The following CDK18 variants were observed in gnomAD, a reference collection of about 807,000 sequenced individuals.
CDK18 encodes cyclin-dependent kinase 18.
In CDK18, 52 loss-of-function variants were observed where a neutral mutation model predicts 62.0. The ratio of observed to expected loss-of-function variants is 0.84; its 90% CI spans 0.67 to 1.06. The LOEUF is 1.06. Ranked by LOEUF, CDK18 falls within the 50% of genes least tolerant of loss-of-function variation. The probability of loss-of-function intolerance (pLI) is 0.00; values close to 1 mark genes in which losing one functional copy is unlikely to be tolerated. For synonymous variants in CDK18, 237 were observed against 247.0 expected (o/e 0.96, Z 0.38); for missense variants, 604 against 619.9 (o/e 0.97, Z 0.27).
chr1:205,512,391 C>A (rs1054824070), intron 1 of CDK18, among the ~76,000 whole-genome samples: 3 of 152,188 alleles, frequency 2.0e-5, no homozygotes, highest in Non-Finnish European at 4.4e-5. Flanking sequence ...GGCCCAGGGC[C>A]CAGGACAGTG....
At chr1:205,529,622 C>T (rs1247838217) in intron 13 of CDK18, 59 bp downstream of exon 13, 7 of 1,612,374 alleles carry the variant, frequency 4.3e-6, no homozygotes, top group African/African-American at 1.3e-5. Flanking sequence ...GTCCCTGTGC[C>T]CCATGCCGGG....
At chr1:205,509,777 C>G (rs1475950337) in intron 1 of CDK18, among the ~76,000 whole-genome samples, 1 of 152,048 alleles carries the variant, frequency 6.6e-6, no homozygotes, top group African/African-American at 2.4e-5. Context: ...GGGAAGAGAA[C>G]TCTATTCTTA....
chr1:205,527,652 G>A lies in CDK18; in HGVS notation c.730-142G>A, dbSNP rs1668507130. On this transcript the variant is annotated intron_variant, in intron 8 of 15. Coordinates refer to ENST00000429964, the MANE Select transcript of CDK18 (RefSeq NM_212502.3). The surrounding 1 kb of genome is among the most constrained non-coding windows in gnomAD (Gnocchi z 4.1). ...GATTCCCTGGTGTGGGTGGGGTCCAGGATGGGGGCTGCAGGGTGTGCAGGA... is the reference window on the plus strand; with the variant it reads ...GATTCCCTGGTGTGGGTGGGGTCCAAGATGGGGGCTGCAGGGTGTGCAGGA... 9 of 788,136 alleles carry A rather than the reference G, an allele frequency of 1.1e-5. No individual in the cohort carries two copies. The South Asian group carries it at 1.5e-4, about 13-fold the overall frequency. The allele number at this position is 788,136 out of a possible 1,614,324, so 48.8% of individuals were successfully genotyped here. A position where few individuals can be genotyped will look rare whatever the true frequency, so the allele number is the denominator to read the frequency against.
intron 12 of CDK18, 44 bp from the exon 13 acceptor site, chr1:205,529,477 A>G: frequency 1.2e-6 from 2 of 1,609,874 alleles, no homozygotes; most frequent in African/African-American, 1.3e-5. Flanking sequence ...TGGCTCTCCC[A>G]TCCCCAATCA....
chr1:205,527,721 C>A lies in CDK18; in HGVS notation c.730-73C>A. 6.8e-7 allele frequency: 1 copy of A among 1,468,188 alleles called. No individual in the cohort carries two copies. The highest frequency in any genetic ancestry group is 9.5e-7 in the Non-Finnish European group (1 of 1,056,882). The allele number at this position is 1,468,188 out of a possible 1,614,324, so 90.9% of individuals were successfully genotyped here. A position where few individuals can be genotyped will look rare whatever the true frequency, so the allele number is the denominator to read the frequency against. On this transcript the variant is annotated intron_variant, in intron 8 of 15. Transcript: ENST00000429964. The surrounding 1 kb of genome is among the most constrained non-coding windows in gnomAD (Gnocchi z 4.1). ...GACCTCACTGCCAAGCCCCTGCCCC[C>A]ATCCTGGTCCCAGCCTTGGAGCAGA...
chr1:205,506,873 A>T (rs1538369), intron 1 of CDK18, among the ~76,000 whole-genome samples: 9,493 of 152,312 alleles, frequency 0.062, 409 homozygotes, highest in Non-Finnish European at 0.09. Context: ...TCTGAGGAGC[A>T]AATAGGTTCT....
intron 5 of CDK18, among the ~76,000 whole-genome samples, chr1:205,525,423 C>T (rs555266035): frequency 6.6e-6 from 1 of 152,264 alleles, no homozygotes; most frequent in East Asian, 1.9e-4. Flanking sequence ...TAGCCATGGC[C>T]CTGGGCAGAA....
At chr1:205,518,434 A>G (rs891412272) in intron 1 of CDK18, among the ~76,000 whole-genome samples, 2 of 152,210 alleles carry the variant, frequency 1.3e-5, no homozygotes, top group Non-Finnish European at 2.9e-5. Context: ...TTGCGATTCC[A>G]TAGCCTGCTA....
chr1:205,512,025 G>A (rs1575046749), intron 1 of CDK18, among the ~76,000 whole-genome samples: 1 of 152,330 alleles, frequency 6.6e-6, no homozygotes, highest in East Asian at 1.9e-4. Context: ...CTGCACTCCA[G>A]CCTGGGTGAC....
At position 205,529,366 on chromosome 1, in the gene CDK18, C is replaced by T; in HGVS notation, c.1115C>T (p.Ser372Phe). ...ACGTGGCCCGGCGTGACCGCCTTCT[C>T]TGAGTTCCGCACCTACAGCTTCCCC... ...EETWPGVTAF[S>F]EFRTYSFPCY... The change falls in exon 12 of 16, where the codon TCT becomes TTT. Residue 372 changes from serine to phenylalanine, a missense_variant. Physicochemically the swap from Ser to Phe is radical, Grantham distance 155 (BLOSUM62 -2). Transcript: ENST00000429964. 2.5e-6 allele frequency: 4 copies of T among 1,614,070 alleles called. No individual in the cohort carries two copies. The highest frequency in any genetic ancestry group is 1.6e-4 in the Middle Eastern group (1 of 6,062).
chr1:205,505,977 T>TC (rs1667287449), intron 1 of CDK18, among the ~76,000 whole-genome samples: 1 of 152,102 alleles, frequency 6.6e-6, no homozygotes, highest in East Asian at 1.9e-4. Context: ...GGCTTGCCCC[T>TC]CCTGTGTCAG....
chr1:205,528,119 C>G lies in CDK18; in HGVS notation c.925C>G (p.Pro309Ala). 6.2e-7 allele frequency: 1 copy of G among 1,614,060 alleles called. No individual in the cohort carries two copies. Among genetic ancestry groups the G allele is most frequent in the Non-Finnish European group, 8.5e-7 (1 of 1,180,004 alleles). Residue 309 changes from proline to alanine, a missense_variant, in exon 10 of 16, where the codon CCC (proline) becomes GCC (alanine). Physicochemically the swap from Pro to Ala is conservative, Grantham distance 27. Coordinates refer to ENST00000429964, the MANE Select transcript of CDK18 (RefSeq NM_212502.3). This position sits in a 1 kb window ranked among gnomAD's most constrained non-coding sequence, Gnocchi z 4.2. ...GGTGGTGACCCTGTGGTACAGGCCCCCCGATGTGCTGCTGGGATCCACAGA... is the reference window on the plus strand; with the variant it reads ...GGTGGTGACCCTGTGGTACAGGCCCGCCGATGTGCTGCTGGGATCCACAGA... ...NEVVTLWYRPPDVLLGSTEYS... is the reference protein window; with the variant it reads ...NEVVTLWYRPADVLLGSTEYS...
chr1:205,511,448 G>T (rs945248074), intron 1 of CDK18, among the ~76,000 whole-genome samples: 3 of 152,196 alleles, frequency 2.0e-5, no homozygotes, highest in Non-Finnish European at 4.4e-5. Context: ...TCCAGGCCTT[G>T]CACTAAACTG....
intron 12 of CDK18, 37 bp from the exon 13 acceptor site, chr1:205,529,484 A>C (rs374369640): frequency 1.9e-6 from 3 of 1,609,136 alleles, no homozygotes; most frequent in Non-Finnish European, 2.5e-6. Context: ...CCCATCCCCA[A>C]TCAGGCACAG....
Position 205,528,868 on chromosome 1 carries a change from C to T in CDK18, c.975-131C>T. The T allele has an allele frequency of 9.7e-6, 6 of 620,172 alleles. No individual in the cohort carries two copies. Among genetic ancestry groups the T allele is most frequent in the Non-Finnish European group, 1.7e-5 (6 of 348,708 alleles). 38.4% of individuals were successfully genotyped at this position (620,172 alleles called of 1,614,324 possible). A position where few individuals can be genotyped will look rare whatever the true frequency, so the allele number is the denominator to read the frequency against. On this transcript the variant is annotated intron_variant, in intron 10 of 15. Coordinates refer to ENST00000429964, the MANE Select transcript of CDK18 (RefSeq NM_212502.3). This position sits in a 1 kb window ranked among gnomAD's most constrained non-coding sequence, Gnocchi z 4.2. ...TCTAGGAGCCTCCACTGCCCTGGGC[C>T]ACCCCTCCGCCGCCAGAGCCACGAT...
chr1:205,527,699 CT>C lies in CDK18; in HGVS notation c.730-94del. 8.3e-7 allele frequency: 1 copy of C among 1,211,978 alleles called. No homozygotes were observed. The highest frequency in any genetic ancestry group is 2.3e-5 in the East Asian group (1 of 42,800). 75.1% of individuals were successfully genotyped at this position (1,211,978 alleles called of 1,614,324 possible). ...AGGAGAATGAGGGGCTTGTGCTGAC[CT>C]CACTGCCAAGCCCCTGCCCCCATCC... On this transcript the variant is annotated intron_variant, in intron 8 of 15. Transcript: ENST00000429964. The surrounding 1 kb of genome is among the most constrained non-coding windows in gnomAD (Gnocchi z 4.1).
chr1:205,523,206 C>A lies in CDK18; in HGVS notation c.39C>A (p.Phe13Leu). Residue 13 changes from phenylalanine to leucine, a missense_variant, in exon 2 of 16, where the codon TTC becomes TTA. Transcript: ENST00000429964. ...AGATGAAGAACTTTAAGCGCCGTTT[C>A]TCCCTGTCAGTGCCCCGCACTGAGA... ...MNKMKNFKRR[F>L]SLSVPRTETI... 1 of 1,613,904 alleles carries A rather than the reference C, an allele frequency of 6.2e-7. No individual in the cohort carries two copies. Among genetic ancestry groups the A allele is most frequent in the African/African-American group, 1.3e-5 (1 of 75,050 alleles).
At position 205,528,228 on chromosome 1, in the gene CDK18, CTCCTT is replaced by C. The variant is rs1668543042; in HGVS notation, c.974+62_974+66del. On this transcript the variant is annotated intron_variant, in intron 10 of 15. Transcript: ENST00000429964. The surrounding 1 kb of genome is among the most constrained non-coding windows in gnomAD (Gnocchi z 4.2). ...ACAGGCCTGGCCACACCTCCAGACTCTCCTTTGCTTCCCCAAGGGCCTCGGGGAAG... is the reference window on the plus strand; with the variant it reads ...ACAGGCCTGGCCACACCTCCAGACTCTGCTTCCCCAAGGGCCTCGGGGAAG... 6.3e-7 allele frequency: 1 copy of C among 1,579,742 alleles called. No individual in the cohort carries two copies. The highest frequency in any genetic ancestry group is 1.7e-5 in the Admixed American group (1 of 57,678).
intron 1 of CDK18, among the ~76,000 whole-genome samples, chr1:205,508,314 G>A (rs1667408656): frequency 6.6e-6 from 1 of 152,210 alleles, no homozygotes; most frequent in African/African-American, 2.4e-5. Context: ...ATCTTGTCCT[G>A]GCTCCCACAG....
Sources: allele counts gnomAD v4.1 joint callset (sites outside exome capture counted in the v4.1 genomes callset), GRCh38; gene constraint gnomAD v4.1.1; non-coding constraint Gnocchi (gnomAD v3.1); transcripts MANE v1.5; gene names NCBI Gene and HGNC (gene_info 2026-07-23, HGNC 2026-07-21).